ROR2: variants seen among roughly 807,000 people sequenced by gnomAD.
ROR2 encodes ROR family WNT receptor 2.
ROR2 carries 33 observed loss-of-function variants against 74.9 expected under a neutral mutation model. The ratio of observed to expected loss-of-function variants is 0.44; its 90% CI spans 0.33 to 0.59. The LOEUF is 0.59. Ranked by LOEUF, ROR2 falls within the 20% of genes least tolerant of loss-of-function variation. The pLI, the probability that ROR2 is intolerant of heterozygous loss-of-function variation, is 0.02. For synonymous variants in ROR2, 586 were observed against 558.7 expected (o/e 1.05, Z -0.69); for missense variants, 1,216 against 1,313.8 (o/e 0.93, Z 1.15).
At chr9:91,932,575 A>C (rs866249014) in intron 1 of ROR2, among the ~76,000 whole-genome samples, 10 of 152,216 alleles carry the variant, frequency 6.6e-5, no homozygotes, top group Middle Eastern at 6.8e-3. Flanking sequence ...GAGGCAGGAG[A>C]ATCACTTGAA....
At chr9:91,728,478 T>A (rs1837120028) in intron 7 of ROR2, among the ~76,000 whole-genome samples, 2 of 152,246 alleles carry the variant, frequency 1.3e-5, no homozygotes, top group South Asian at 4.1e-4. Flanking sequence ...TCTCCTAGGC[T>A]GGAGGGCAGT....
intron 1 of ROR2, among the ~76,000 whole-genome samples, chr9:91,878,264 T>G (rs1238903988): frequency 6.6e-6 from 1 of 152,156 alleles, no homozygotes; most frequent in Non-Finnish European, 1.5e-5. Context: ...AGATCAAAAT[T>G]GCGCCCTCCC....
intron 1 of ROR2, among the ~76,000 whole-genome samples, chr9:91,824,133 C>T (rs1050287441): frequency 1.3e-5 from 2 of 152,356 alleles, no homozygotes; most frequent in Admixed American, 1.3e-4. Flanking sequence ...CTTCACAGTT[C>T]CCAGGTAATC....
At chr9:91,775,500 C>T (rs533242259) in intron 2 of ROR2, among the ~76,000 whole-genome samples, 1 of 152,266 alleles carries the variant, frequency 6.6e-6, no homozygotes, top group African/African-American at 2.4e-5. Context: ...TCTGCCAGGC[C>T]GCCATCTGTC....
At chr9:91,926,335 A>T (rs1221387581) in intron 1 of ROR2, among the ~76,000 whole-genome samples, 4 of 151,786 alleles carry the variant, frequency 2.6e-5, no homozygotes, top group Non-Finnish European at 5.9e-5. Context: ...GTGAGCCAAG[A>T]TCATGCCACT....
At chr9:91,882,568 C>G (rs139153929) in intron 1 of ROR2, among the ~76,000 whole-genome samples, 2 of 152,262 alleles carry the variant, frequency 1.3e-5, no homozygotes, top group East Asian at 3.9e-4. Context: ...ACAGGCAAAA[C>G]TAAGCAATCT....
At position 91,740,352 on chromosome 9, in the gene ROR2, T is replaced by G. The variant is rs190679367; in HGVS notation, c.495-2834A>C. Among the ~76,000 whole-genome samples the G allele has an allele frequency of 4.5e-4, 68 of 152,082 alleles. No homozygotes were observed. The East Asian group carries it at 0.013, about 28-fold the overall frequency. On this transcript the variant is annotated intron_variant, in intron 4 of 8. Transcript: ENST00000375708. ...TCACAAGGTCAGAAGATCGAGACCA[T>G]CCTGGCTAACACGGTGAAACCCCAT...
At chr9:91,943,552 A>C (rs570395715) in intron 1 of ROR2, among the ~76,000 whole-genome samples, 11 of 152,114 alleles carry the variant, frequency 7.2e-5, no homozygotes, top group Non-Finnish European at 1.5e-4. Context: ...TTATCTGTCT[A>C]ATCTCACAAT....
At chr9:91,839,960 C>A (rs1450734192) in intron 1 of ROR2, among the ~76,000 whole-genome samples, 1 of 152,142 alleles carries the variant, frequency 6.6e-6, no homozygotes, top group Non-Finnish European at 1.5e-5. Context: ...ACAAAAGGCT[C>A]TGGTGATGAA....
chr9:91,767,722 G>A (rs956619237), intron 2 of ROR2, among the ~76,000 whole-genome samples: 9 of 152,248 alleles, frequency 5.9e-5, no homozygotes, highest in Admixed American at 3.3e-4. Context: ...GCAGCCAGCT[G>A]CAGAAAACCA....
At chr9:91,945,091 A>G (rs1831980205) in intron 1 of ROR2, among the ~76,000 whole-genome samples, 1 of 152,160 alleles carries the variant, frequency 6.6e-6, no homozygotes, top group South Asian at 2.1e-4. Flanking sequence ...AAAAAAAAAA[A>G]AAAAGTTAAT....
At chr9:91,908,039 C>A (rs573050999) in intron 1 of ROR2, among the ~76,000 whole-genome samples, 1 of 152,350 alleles carries the variant, frequency 6.6e-6, no homozygotes, top group East Asian at 1.9e-4. Context: ...CCTTTGGGAA[C>A]TGCAAATGCC....
chr9:91,867,941 C>G (rs547246970), intron 1 of ROR2, among the ~76,000 whole-genome samples: 32 of 152,232 alleles, frequency 2.1e-4, no homozygotes, highest in African/African-American at 5.8e-4. Context: ...TGAACAACAC[C>G]CAGAGTCTCA....
Position 91,724,116 on chromosome 9 carries a change from G to T in ROR2, c.2378C>A (p.Ala793Asp). 6.2e-7 allele frequency: 1 copy of T among 1,610,778 alleles called. No homozygotes were observed. Reference protein sequence around the residue: ...NARYVGPKQKAPPFPQPQFIP... With the variant: ...NARYVGPKQKDPPFPQPQFIP... ...GAACTGGGGCTGTGGGAAGGGCGGG[G>T]CCTTCTGCTTGGGCCCCACGTAGCG... Residue 793 changes from alanine to aspartate, a missense_variant, in exon 9 of 9, where the codon GCC becomes GAC. Transcript: ENST00000375708.
At chr9:91,859,399 A>G (rs924306632) in intron 1 of ROR2, among the ~76,000 whole-genome samples, 2 of 151,970 alleles carry the variant, frequency 1.3e-5, no homozygotes, top group Non-Finnish European at 2.9e-5. Flanking sequence ...GTGTTTCACC[A>G]TGTTGGCCAG....
intron 8 of ROR2, among the ~76,000 whole-genome samples, 155 bp from the exon 9 acceptor site, chr9:91,725,262 C>T (rs1194713888): frequency 6.6e-6 from 1 of 152,206 alleles, no homozygotes; most frequent in Non-Finnish European, 1.5e-5. Context: ...CTTGGCCTGC[C>T]CACCCACAGC....
chr9:91,773,498 T>A (rs534852756), intron 2 of ROR2, among the ~76,000 whole-genome samples: 76 of 152,346 alleles, frequency 5.0e-4, no homozygotes, highest in African/African-American at 1.7e-3. Flanking sequence ...GGCTGCCCCA[T>A]GAACTTTCCG....
Position 91,724,119 on chromosome 9 carries a change from T to C in ROR2, c.2375A>G (p.Lys792Arg). ...SNARYVGPKQ[K>R]APPFPQPQFI... ...CTGGGGCTGTGGGAAGGGCGGGGCC[T>C]TCTGCTTGGGCCCCACGTAGCGGGC... The change falls in exon 9 of 9, where the codon AAG (lysine) becomes AGG (arginine). Residue 792 changes from lysine to arginine, a missense_variant. Transcript: ENST00000375708. The C allele has an allele frequency of 6.2e-7, 1 of 1,610,852 alleles. No homozygotes were observed. The highest frequency in any genetic ancestry group is 1.1e-5 in the South Asian group (1 of 91,050).
Position 91,936,758 on chromosome 9 carries a change from C to T in ROR2, c.97+13109G>A, listed in dbSNP as rs533395136. 5.3e-5 allele frequency among the ~76,000 whole-genome samples: 8 copies of T among 152,066 alleles called. No homozygotes were observed. In the South Asian group the frequency reaches 6.2e-4, roughly 12 times the overall value. ...TAGATTTCCCATCTTCGGCCGGGCG[C>T]GGTGGCTCACGCCTGTAATCCCAGC... On this transcript the variant is annotated intron_variant, in intron 1 of 8. Transcript: ENST00000375708.
Sources: allele counts gnomAD v4.1 joint callset (sites outside exome capture counted in the v4.1 genomes callset), GRCh38; gene constraint gnomAD v4.1.1; transcripts MANE v1.5; gene names NCBI Gene and HGNC (gene_info 2026-07-23, HGNC 2026-07-21).